The following TMEM163 variants were observed in gnomAD, a reference collection of about 807,000 sequenced individuals.
The protein encoded by TMEM163 is transmembrane protein 163.
In TMEM163, 17 loss-of-function variants were observed where a neutral mutation model predicts 29.3. That is an observed-to-expected ratio of 0.58 (90% CI 0.40 to 0.87). The LOEUF (loss-of-function observed/expected upper bound fraction) is 0.87, where lower values mean the gene tolerates loss of function less well. Ranked by LOEUF, TMEM163 falls within the 40% of genes least tolerant of loss-of-function variation. The pLI is 0.00. For synonymous variants in TMEM163, 157 were observed against 160.6 expected, an observed-to-expected ratio of 0.98 and a Z score of 0.17; for missense variants, 303 against 381.5, an observed-to-expected ratio of 0.79 and a Z score of 1.71.
intron 2 of TMEM163, among the ~76,000 whole-genome samples, chr2:134,712,097 G>A (rs182076941): frequency 7.9e-5 from 12 of 152,272 alleles, no homozygotes; most frequent in African/African-American, 2.2e-4. Flanking sequence ...GGTAAAAAAC[G>A]TTTATACTCT....
At chr2:134,467,442 T>A (rs1341519451) in intron 5 of TMEM163, 1 of 152,226 alleles carries the variant, frequency 6.6e-6, no homozygotes, top group East Asian at 1.9e-4. Context: ...GTTGGTAACA[T>A]GTGGCCCCTG....
intron 2 of TMEM163, among the ~76,000 whole-genome samples, chr2:134,658,609 A>ATAT (rs1683675371): frequency 6.6e-6 from 1 of 151,374 alleles, no homozygotes; most frequent in South Asian, 2.1e-4. Flanking sequence ...ATATATATAT[A>ATAT]TTTTTTGAGA....
chr2:134,491,232 C>G (rs1016196713), intron 5 of TMEM163, among the ~76,000 whole-genome samples: 1 of 152,192 alleles, frequency 6.6e-6, no homozygotes, highest in Admixed American at 6.5e-5. Flanking sequence ...CCTGAATACA[C>G]AGATGCCTCT....
intron 2 of TMEM163, among the ~76,000 whole-genome samples, chr2:134,688,375 A>T (rs186513706): frequency 6.6e-6 from 1 of 152,178 alleles, no homozygotes; most frequent in Admixed American, 6.5e-5. Context: ...AATGAATGTC[A>T]CCTTGGTGGG....
intron 4 of TMEM163, among the ~76,000 whole-genome samples, chr2:134,503,252 A>C (rs1679739910): frequency 6.6e-6 from 1 of 152,180 alleles, no homozygotes. Flanking sequence ...CATACCATGA[A>C]TGCTGTCATG....
At chr2:134,508,598 G>T (rs1679878550) in intron 4 of TMEM163, among the ~76,000 whole-genome samples, 2 of 152,148 alleles carry the variant, frequency 1.3e-5, no homozygotes, top group Admixed American at 1.3e-4. Flanking sequence ...ATTCTCTCTT[G>T]TCTATCATGC....
intron 4 of TMEM163, among the ~76,000 whole-genome samples, chr2:134,529,041 T>C (rs1460398191): frequency 6.6e-6 from 1 of 152,168 alleles, no homozygotes; most frequent in Non-Finnish European, 1.5e-5. Context: ...TAAAAATGTG[T>C]ACCAACCCGG....
rs145379668 is a variant in TMEM163, at chr2:134,642,045, A to G, written c.322+71155T>C. On this transcript the variant is annotated intron_variant, in intron 2 of 7. Transcript: ENST00000281924. ...CAAGAAAACACAACATACTAAATGTATATTTACCTAACAGCAGAGCTTCAA... is the reference window on the plus strand; with the variant it reads ...CAAGAAAACACAACATACTAAATGTGTATTTACCTAACAGCAGAGCTTCAA... Among the ~76,000 whole-genome samples the G allele has an allele frequency of 1.2e-4, 18 of 152,340 alleles. 1 individual carries two copies. The highest frequency in any genetic ancestry group is 3.6e-4 in the African/African-American group (15 of 41,582).
chr2:134,657,758 G>A (rs1400090512), intron 2 of TMEM163, among the ~76,000 whole-genome samples: 7 of 152,182 alleles, frequency 4.6e-5, no homozygotes, highest in East Asian at 3.9e-4. Context: ...AGCCAAGATC[G>A]CGCCATTGCA....
intron 4 of TMEM163, among the ~76,000 whole-genome samples, chr2:134,547,074 TCA>T (rs1680806659): frequency 1.3e-5 from 2 of 152,272 alleles, no homozygotes; most frequent in African/African-American, 2.4e-5. Context: ...GGGTAGCATT[TCA>T]ATTTTGCAGA....
chr2:134,465,411 C>T (rs912263779), intron 6 of TMEM163, among the ~76,000 whole-genome samples: 1 of 152,128 alleles, frequency 6.6e-6, no homozygotes, highest in African/African-American at 2.4e-5. Flanking sequence ...TTGACGTGAC[C>T]CCTGGGCTCC....
intron 2 of TMEM163, among the ~76,000 whole-genome samples, chr2:134,608,754 C>T (rs1206400445): frequency 5.4e-5 from 3 of 55,494 alleles, no homozygotes; most frequent in Non-Finnish European, 1.2e-4. Context: ...GGACAGACCC[C>T]GAGAACTGTG....
intron 2 of TMEM163, among the ~76,000 whole-genome samples, chr2:134,690,141 G>C (rs1016268388): frequency 6.6e-6 from 1 of 152,104 alleles, no homozygotes; most frequent in Non-Finnish European, 1.5e-5. Context: ...ATGTTGGCCA[G>C]GCTGGTCTCC....
chr2:134,595,269 C>G (rs1040353562), intron 2 of TMEM163, among the ~76,000 whole-genome samples: 42 of 152,012 alleles, frequency 2.8e-4, no homozygotes, highest in Non-Finnish European at 5.0e-4. Flanking sequence ...CCCACTCCCC[C>G]CAACCCCACA....
intron 2 of TMEM163, among the ~76,000 whole-genome samples, chr2:134,631,182 A>G (rs1240394896): frequency 1.3e-5 from 2 of 152,214 alleles, no homozygotes; most frequent in African/African-American, 4.8e-5. Flanking sequence ...TGGGGTGGCT[A>G]GAATATGTCA....
At chr2:134,663,019 C>T (rs191306855) in intron 2 of TMEM163, among the ~76,000 whole-genome samples, 6 of 152,286 alleles carry the variant, frequency 3.9e-5, no homozygotes, top group East Asian at 1.9e-4. Flanking sequence ...TACTCTCTGG[C>T]GTGGGAGTCT....
chr2:134,712,515 A>G (rs185997305), intron 2 of TMEM163, among the ~76,000 whole-genome samples: 1 of 152,264 alleles, frequency 6.6e-6, no homozygotes, highest in East Asian at 1.9e-4. Context: ...GCTGTAACTG[A>G]CACTGCTTAG....
At chr2:134,552,802 C>T (rs1680962710) in intron 2 of TMEM163, among the ~76,000 whole-genome samples, 1 of 151,734 alleles carries the variant, frequency 6.6e-6, no homozygotes, top group Non-Finnish European at 1.5e-5. Flanking sequence ...GTTGGGACTA[C>T]AGGCACCTGC....
rs533924097 is a variant in TMEM163 at position 134,460,171 on chromosome 2, C to T, written c.668-1998G>A. Among the ~76,000 whole-genome samples the T allele has an allele frequency of 8.6e-5, 13 of 151,964 alleles. No individual in the cohort carries two copies. In the South Asian group the frequency reaches 2.7e-3, roughly 32 times the overall value. ...GTACCCCGCCACAGCCAGAGGGACCCTCTGTCGGTGAGCAGCAGCCAGACT... is the reference window on the plus strand; with the variant it reads ...GTACCCCGCCACAGCCAGAGGGACCTTCTGTCGGTGAGCAGCAGCCAGACT... On this transcript the variant is annotated intron_variant, in intron 6 of 7. Transcript: ENST00000281924. This position sits in a 1 kb window ranked among gnomAD's most constrained non-coding sequence, Gnocchi z 4.3.
Sources: gnomAD v4.1 joint callset for allele counts (sites outside exome capture counted in the v4.1 genomes callset) on GRCh38, gnomAD v4.1.1 for gene constraint, Gnocchi (gnomAD v3.1) non-coding constraint, MANE v1.5 for transcripts, NCBI Gene and HGNC (gene_info 2026-07-23, HGNC 2026-07-21) for gene names.